The following SLC6A17 variants were observed in gnomAD, a reference collection of about 807,000 sequenced individuals.
SLC6A17 encodes solute carrier family 6 member 17, also known as sodium-dependent neutral amino acid transporter SLC6A17.
In SLC6A17, 21 loss-of-function variants were observed where a neutral mutation model predicts 64.5. The ratio of observed to expected loss-of-function variants is 0.33; its 90% CI spans 0.23 to 0.47. The LOEUF (loss-of-function observed/expected upper bound fraction) is 0.47, where lower values mean the gene tolerates loss of function less well. SLC6A17 is among the 20% of genes least tolerant of loss of function. The probability of loss-of-function intolerance (pLI) is 1.00; values close to 1 mark genes in which losing one functional copy is unlikely to be tolerated. For synonymous variants in SLC6A17, 372 were observed against 399.5 expected (o/e 0.93, Z 0.82); for missense variants, 682 against 963.2 (o/e 0.71, Z 3.86).
At chr1:110,174,664 G>A (rs1656324248) in intron 4 of SLC6A17, 115 bp from the exon 5 acceptor site, 1 of 1,328,750 alleles carries the variant, frequency 7.5e-7, no homozygotes, top group African/African-American at 1.5e-5. Flanking sequence ...GCCCCTCCCA[G>A]CTGCCCACCC....
chr1:110,171,090 G>A (rs1249780565), intron 2 of SLC6A17, among the ~76,000 whole-genome samples: 15 of 152,336 alleles, frequency 9.8e-5, no homozygotes, highest in South Asian at 2.1e-4. Flanking sequence ...TTGGGCACAC[G>A]TTGGTGAACA....
intron 1 of SLC6A17, 106 bp from the exon 2 acceptor site, chr1:110,166,737 C>T: frequency 1.6e-6 from 1 of 634,598 alleles, no homozygotes; most frequent in Non-Finnish European, 2.5e-6. Context: ...AGGCCCTTGA[C>T]CTGCCTCACA....
intron 10 of SLC6A17, among the ~76,000 whole-genome samples, chr1:110,197,025 C>T (rs72984737): frequency 0.11 from 16,821 of 152,216 alleles, 2,629 homozygotes; most frequent in African/African-American, 0.35. Flanking sequence ...GGTGAGAAAC[C>T]CCTGAGTCAG....
In SLC6A17 at chr1:110,200,225, G is replaced by A; in HGVS notation, c.*1781G>A. ...TGGGAGCAGTCTATCCCCCAACCCT[G>A]CCATCTCCCTTACTCATCCCTCTTC... On this transcript the variant is annotated 3_prime_UTR_variant, in exon 12 of 12. Coordinates refer to ENST00000331565, the MANE Select transcript of SLC6A17 (RefSeq NM_001010898.4). 1 of 396,958 alleles carries A rather than the reference G, an allele frequency of 2.5e-6. No individual in the cohort carries two copies. The highest frequency in any genetic ancestry group is 4.4e-6 in the Non-Finnish European group (1 of 225,704). 24.6% of individuals were successfully genotyped at this position (396,958 alleles called of 1,614,324 possible).
chr1:110,191,440 G>T (rs1480922237), intron 6 of SLC6A17, among the ~76,000 whole-genome samples: 2 of 152,210 alleles, frequency 1.3e-5, no homozygotes, highest in African/African-American at 2.4e-5. Context: ...TTCAGGTTGG[G>T]TGATGGTGGG....
Position 110,198,561 on chromosome 1 carries a change from G to C in SLC6A17, c.*117G>C. On this transcript the variant is annotated 3_prime_UTR_variant, in exon 12 of 12. Transcript: ENST00000331565. ...AGGCCAGGCCCTTTGCCCAAGAAGA[G>C]AGGGTCTGCCCTGCCTCACTCCCCT... 6.7e-7 allele frequency: 1 copy of C among 1,489,164 alleles called. No individual in the cohort carries two copies. Among genetic ancestry groups the C allele is most frequent in the South Asian group, 1.4e-5 (1 of 74,022 alleles). The allele number at this position is 1,489,164 out of a possible 1,614,324, so 92.2% of individuals were successfully genotyped here.
Position 110,198,085 on chromosome 1 carries a change from C to G in SLC6A17, c.1825C>G (p.Arg609Gly). 1.9e-6 allele frequency: 3 copies of G among 1,611,412 alleles called. No individual in the cohort carries two copies. The South Asian group carries it at 3.3e-5, about 18-fold the overall frequency. The change falls in exon 12 of 12, where the codon CGC (arginine) becomes GGC (glycine). Residue 609 changes from arginine (R) to glycine (G), a missense_variant. Physicochemically the swap from Arg to Gly is moderately radical, Grantham distance 125. Around this residue, in one of 3 missense-constraint regions of SLC6A17, gnomAD observed 264 missense variants for 339.5 expected, o/e 0.78. Transcript: ENST00000331565. ...SAWIKEEAAE[R>G]YLYFPNWAMA... ...GGCAGCCCACCCGCAGGCTGCCGAG[C>G]GCTACCTGTATTTCCCCAACTGGGC...
At chr1:110,158,368 C>T (rs955925265) in intron 1 of SLC6A17, among the ~76,000 whole-genome samples, 2 of 152,244 alleles carry the variant, frequency 1.3e-5, no homozygotes, top group Admixed American at 1.3e-4. Flanking sequence ...GCCCCAGTAT[C>T]CCCTGTCAGC....
chr1:110,153,077 G>A (rs969095256), intron 1 of SLC6A17, among the ~76,000 whole-genome samples: 2 of 152,180 alleles, frequency 1.3e-5, no homozygotes, highest in Non-Finnish European at 2.9e-5. Context: ...GGGTTCAGCT[G>A]TGCTGGGTCT....
rs960788406 is a variant in SLC6A17 at position 110,201,321 on chromosome 1, GAGCAGGAGGT to G, written c.*2886_*2895del. The G allele has an allele frequency of 1.2e-4, 19 of 152,440 alleles. No homozygotes were observed. Among genetic ancestry groups the G allele is most frequent in the African/African-American group, 4.3e-4 (18 of 41,538 alleles). The allele number at this position is 152,440 out of a possible 1,614,324, so 9.4% of individuals were successfully genotyped here. A position where few individuals can be genotyped will look rare whatever the true frequency, so the allele number is the denominator to read the frequency against. On this transcript the variant is annotated 3_prime_UTR_variant, in exon 12 of 12. Transcript: ENST00000331565. ...AAGATCCAGCCCCAGAATCCTGGAG[GAGCAGGAGGT>G]AGCAGGAGAGGACCAGGTCCCCAAG...
intron 6 of SLC6A17, among the ~76,000 whole-genome samples, chr1:110,178,895 A>T (rs1173230299): frequency 5.3e-5 from 8 of 152,256 alleles, no homozygotes; most frequent in Admixed American, 2.0e-4. Flanking sequence ...TAACATCCAG[A>T]TTATAGCAAC....
At chr1:110,177,871 C>G (rs1190859772) in intron 6 of SLC6A17, 1 of 152,256 alleles carries the variant, frequency 6.6e-6, no homozygotes, top group Non-Finnish European at 1.5e-5. Flanking sequence ...GGCTAGGGCA[C>G]ACGCCACTCC....
rs2603579 is a variant in SLC6A17, at chr1:110,199,463, T to C, written c.*1019T>C. The stretch of plus-strand genomic sequence containing the variant: ...GCTTTTCCCCTGGAACAGGGGTCCC[T>C]GGAGTTCACAGGCTTATCCCCAGGA... On this transcript the variant is annotated 3_prime_UTR_variant, in exon 12 of 12. Transcript: ENST00000331565. 97,482 of 152,458 alleles carry C rather than the reference T, an allele frequency of 0.64. 32,111 individuals are homozygous for C. The highest frequency in any genetic ancestry group is 0.79 in the African/African-American group (32,731 of 41,538). 9.4% of individuals were successfully genotyped at this position (152,458 alleles called of 1,614,324 possible).
At chr1:110,161,462 G>T (rs1655907190) in intron 1 of SLC6A17, among the ~76,000 whole-genome samples, 1 of 151,812 alleles carries the variant, frequency 6.6e-6, no homozygotes, top group Admixed American at 6.6e-5. Flanking sequence ...TTAAGGATGT[G>T]CTTGGCCACA....
chr1:110,194,500 T>G lies in SLC6A17; in HGVS notation c.1300-79T>G, dbSNP rs11102062. The G allele has an allele frequency of 1.1e-3, 1,683 of 1,468,424 alleles. 19 individuals are homozygous for G. The African/African-American group carries it at 0.022, about 19-fold the overall frequency. 91.0% of individuals were successfully genotyped at this position (1,468,424 alleles called of 1,614,324 possible). A position where few individuals can be genotyped will look rare whatever the true frequency, so the allele number is the denominator to read the frequency against. On this transcript the variant is annotated intron_variant, in intron 8 of 11. Transcript: ENST00000331565. ...AGAGGGAATAGTTATTCCAAAAGTT[T>G]GAAGGGCAGAGGGAAGGAAGCAGTG...
At chr1:110,178,698 A>C (rs907120861) in intron 6 of SLC6A17, 1 of 153,028 alleles carries the variant, frequency 6.5e-6, no homozygotes, top group African/African-American at 2.4e-5. Flanking sequence ...TCTGCTTCAA[A>C]GATGGTGCTT....
At chr1:110,178,431 A>G (rs1249124322) in intron 6 of SLC6A17, among the ~76,000 whole-genome samples, 1 of 152,224 alleles carries the variant, frequency 6.6e-6, no homozygotes, top group Non-Finnish European at 1.5e-5. Flanking sequence ...TCAGGCATGT[A>G]AACACATATC....
chr1:110,197,384 G>A lies in SLC6A17; in HGVS notation c.1653-53G>A, dbSNP rs1054029214. 7.7e-6 allele frequency: 12 copies of A among 1,564,924 alleles called. No individual in the cohort carries two copies. The African/African-American group carries it at 1.1e-4, about 14-fold the overall frequency. ...TGGAGGAGATGGTGATGGGGGAAGAGGGAGGTGTGACTGAGGGATGCCAAC... is the reference window on the plus strand; with the variant it reads ...TGGAGGAGATGGTGATGGGGGAAGAAGGAGGTGTGACTGAGGGATGCCAAC... On this transcript the variant is annotated intron_variant, in intron 10 of 11. Transcript: ENST00000331565.
In SLC6A17 at chr1:110,192,479, C is replaced by A; in HGVS notation, c.1107-27C>A. Reference sequence around the variant, plus strand: ...CCCATTGCCCACCCCTGCCTTCTTACCTGGTCCTCTCGGTTTTGTGCTGCA... The same window carrying A: ...CCCATTGCCCACCCCTGCCTTCTTAACTGGTCCTCTCGGTTTTGTGCTGCA... On this transcript the variant is annotated intron_variant, in intron 7 of 11. Transcript: ENST00000331565. This position sits in a 1 kb window ranked among gnomAD's most constrained non-coding sequence, Gnocchi z 4.3. 1 of 1,596,474 alleles carries A rather than the reference C, an allele frequency of 6.3e-7. No homozygotes were observed. Among genetic ancestry groups the A allele is most frequent in the Non-Finnish European group, 8.5e-7 (1 of 1,171,068 alleles).
Sources: allele counts gnomAD v4.1 joint callset (sites outside exome capture counted in the v4.1 genomes callset), GRCh38; gene constraint gnomAD v4.1.1; regional missense constraint gnomAD v4.1.1; non-coding constraint Gnocchi (gnomAD v3.1); transcripts MANE v1.5; gene names NCBI Gene and HGNC (gene_info 2026-07-23, HGNC 2026-07-21).